Variants in GLUL observed in about 807,000 individuals in gnomAD.
GLUL encodes the protein glutamate-ammonia ligase, also known as glutamine synthetase.
A neutral mutation model predicts 36.9 loss-of-function variants in GLUL; 8 were observed. That is an observed-to-expected ratio of 0.22 (90% CI 0.13 to 0.39). The LOEUF is 0.39. Among genes scored for constraint, GLUL ranks in the 10% least tolerant of loss-of-function variants. GLUL has a pLI of 1.00. For synonymous variants in GLUL, 182 were observed against 172.8 expected, an observed-to-expected ratio of 1.05 and a Z score of -0.42; for missense variants, 315 against 501.8, an observed-to-expected ratio of 0.63 and a Z score of 3.56.
intron 1 of GLUL, chr1:182,389,910 G>C (rs1650337046): frequency 1.3e-5 from 2 of 152,330 alleles, no homozygotes; most frequent in African/African-American, 2.4e-5. Context: ...ATTGCCTCTA[G>C]AAGACTCAGC....
intron 4 of GLUL, 149 bp downstream of exon 4, chr1:182,386,106 AT>A: frequency 1.1e-6 from 1 of 915,282 alleles, no homozygotes; most frequent in Non-Finnish European, 1.8e-6. Flanking sequence ...ATTCATATCC[AT>A]TTTTGGACTT....
rs1649820864 is a variant in GLUL at position 182,378,754 on chromosome 1, A to G, written c.*5651T>C. Among the ~76,000 whole-genome samples the G allele has an allele frequency of 1.3e-5, 2 of 152,202 alleles. No individual in the cohort carries two copies. The highest frequency in any genetic ancestry group is 2.9e-5 in the Non-Finnish European group (2 of 68,044). ...TTATATTATGCATGTGTATGGACAT[A>G]TATCTGCATATTGTAAAATGAAATA... On this transcript the variant is annotated 3_prime_UTR_variant, in exon 7 of 7. Coordinates refer to ENST00000331872, the MANE Select transcript of GLUL (RefSeq NM_001033044.4).
At chr1:182,391,544 G>C (rs1223738821) in intron 1 of GLUL, 135 bp downstream of exon 1, 1 of 263,728 alleles carries the variant, frequency 3.8e-6, no homozygotes, top group Non-Finnish European at 7.1e-6. Context: ...TCTCAGGCAT[G>C]GGCCGGAGAG....
chr1:182,387,828 C>A (rs974334772), intron 2 of GLUL, among the ~76,000 whole-genome samples: 4 of 152,208 alleles, frequency 2.6e-5, no homozygotes, highest in African/African-American at 9.6e-5. Flanking sequence ...TCTCTGAAGG[C>A]AGAGACGAGA....
chr1:182,387,062 T>C (rs1650213348), intron 3 of GLUL, 69 bp downstream of exon 3: 12 of 1,207,028 alleles, frequency 9.9e-6, no homozygotes, highest in Admixed American at 6.7e-5. Flanking sequence ...GATTTCAGAA[T>C]GTCTTCTCCC....
At chr1:182,389,155 G>A (rs1435445270) in intron 1 of GLUL, 3 of 267,682 alleles carry the variant, frequency 1.1e-5, no homozygotes, top group Non-Finnish European at 2.2e-5. Context: ...TGTAGCTGAG[G>A]TTAACACTAA....
intron 1 of GLUL, 59 bp downstream of exon 1, chr1:182,391,619 CG>C (rs1650422798): frequency 5.9e-6 from 1 of 168,274 alleles, no homozygotes; most frequent in African/African-American, 2.4e-5. Context: ...CGGCGCGCCT[CG>C]CGGGGTAGCA....
intron 1 of GLUL, chr1:182,390,229 CAAAA>C (rs201924233): frequency 5.2e-5 from 14 of 266,814 alleles, no homozygotes; most frequent in East Asian, 6.4e-5. Context: ...TGTCGGAAAA[CAAAA>C]AAAAAAAACC....
rs1650138358 is a variant in GLUL, at chr1:182,385,534, C to T, written c.626G>A (p.Cys209Tyr). ...ATGATCTCCCATGCTGATTCCTTCA[C>T]AAGGTCCAATCTGAAATTCCCACTA... ...PAQWEFQIGPCEGISMGDHLW... is the reference protein window; with the variant it reads ...PAQWEFQIGPYEGISMGDHLW... Residue 209 changes from cysteine to tyrosine, a missense_variant, in exon 6 of 7, where the codon TGT becomes TAT. Physicochemically the swap from Cys to Tyr is radical, Grantham distance 194. Transcript: ENST00000331872. 6.2e-7 allele frequency: 1 copy of T among 1,614,012 alleles called. No homozygotes were observed.
rs933592134 is a variant in GLUL at position 182,378,312 on chromosome 1, G to A, written c.*6093C>T. ...TGCTCAGGTACAAGGCCCCTGAAAA[G>A]TAACTCATCAAATGACAATAGGAAC... On this transcript the variant is annotated 3_prime_UTR_variant, in exon 7 of 7. Coordinates refer to ENST00000331872, the MANE Select transcript of GLUL (RefSeq NM_001033044.4). 1.3e-5 allele frequency among the ~76,000 whole-genome samples: 2 copies of A among 152,166 alleles called. No homozygotes were observed. Among genetic ancestry groups the A allele is most frequent in the Non-Finnish European group, 2.9e-5 (2 of 68,024 alleles).
chr1:182,390,471 GT>G (rs989586126), intron 1 of GLUL: 46 of 399,126 alleles, frequency 1.2e-4, no homozygotes, highest in African/African-American at 9.2e-4. Flanking sequence ...CAACTCCGGG[GT>G]CGTCCTCCCT....
At chr1:182,391,139 C>A (rs1558167495) in intron 1 of GLUL, 2 of 398,578 alleles carry the variant, frequency 5.0e-6, no homozygotes, top group East Asian at 7.1e-5. Flanking sequence ...CCCCCGGGAC[C>A]CCGAGGCGGG....
In GLUL at chr1:182,383,289, T is replaced by C. The variant is rs899911178; in HGVS notation, c.*1116A>G. On this transcript the variant is annotated 3_prime_UTR_variant, in exon 7 of 7. Transcript: ENST00000331872. ...AATTTGATTAAAATCTAAACTTCTA[T>C]AATTTTGCTTTTTAAAAAATTTAAT... 2 of 152,214 alleles carry C rather than the reference T, an allele frequency of 1.3e-5. No homozygotes were observed. Among genetic ancestry groups the C allele is most frequent in the African/African-American group, 2.4e-5 (1 of 41,454 alleles). 9.4% of individuals were successfully genotyped at this position (152,214 alleles called of 1,614,324 possible). A position where few individuals can be genotyped will look rare whatever the true frequency, so the allele number is the denominator to read the frequency against.
intron 4 of GLUL, 109 bp downstream of exon 4, chr1:182,386,147 T>C: frequency 8.9e-7 from 1 of 1,120,788 alleles, no homozygotes; most frequent in South Asian, 1.2e-5. Context: ...TCGCCTTTAC[T>C]GTATTATTTT....
Position 182,382,882 on chromosome 1 carries a change from A to G in GLUL, c.*1523T>C, listed in dbSNP as rs925659581. On this transcript the variant is annotated 3_prime_UTR_variant, in exon 7 of 7. Coordinates refer to ENST00000331872, the MANE Select transcript of GLUL (RefSeq NM_001033044.4). ...ATAGGGATTTGAAAGAATCACAAAC[A>G]CATCAGAGAGATCTTATGTTAGGCT... 6.6e-6 allele frequency: 1 copy of G among 152,198 alleles called. No homozygotes were observed. Among genetic ancestry groups the G allele is most frequent in the Admixed American group, 6.5e-5 (1 of 15,286 alleles). The allele number at this position is 152,198 out of a possible 1,614,324, so 9.4% of individuals were successfully genotyped here.
At chr1:182,390,726 A>C in intron 1 of GLUL, 1 of 399,032 alleles carries the variant, frequency 2.5e-6, no homozygotes, top group Non-Finnish European at 4.4e-6. Context: ...CTCTCCCCGG[A>C]GTTCACAGAG....
chr1:182,384,180 G>T lies in GLUL; in HGVS notation c.*225C>A. The T allele has an allele frequency of 1.9e-6, 1 of 538,114 alleles. No individual in the cohort carries two copies. Among genetic ancestry groups the T allele is most frequent in the African/African-American group, 1.9e-5 (1 of 52,570 alleles). 33.3% of individuals were successfully genotyped at this position (538,114 alleles called of 1,614,324 possible). A position where few individuals can be genotyped will look rare whatever the true frequency, so the allele number is the denominator to read the frequency against. ...CTCCTCCCCACTAATGCACTAAAAA[G>T]CTTCAGTGATAGGGAAAAAAAGGAG... On this transcript the variant is annotated 3_prime_UTR_variant, in exon 7 of 7. Transcript: ENST00000331872.
At position 182,384,392 on chromosome 1, in the gene GLUL, A is replaced by AG. The variant is rs776706521; in HGVS notation, c.*12dup. On this transcript the variant is annotated 3_prime_UTR_variant, in exon 7 of 7. Transcript: ENST00000331872. ...GAACTAGGAGGGGCTCAACAGCTGG[A>AG]GGTCTAGTCCACTTAATTTTTGTAC... 3.8e-6 allele frequency: 6 copies of AG among 1,574,898 alleles called. No individual in the cohort carries two copies. The African/African-American group carries it at 8.1e-5, about 21-fold the overall frequency.
rs1424302441 is a variant in GLUL, at chr1:182,378,321, C to CA, written c.*6083dup. ...ACAAGGCCCCTGAAAAGTAACTCAT[C>CA]AAATGACAATAGGAACTGTGTGGAC... is the stretch of plus-strand genomic sequence containing the variant. On this transcript the variant is annotated 3_prime_UTR_variant, in exon 7 of 7. Transcript: ENST00000331872. Among the ~76,000 whole-genome samples, 8 of 152,304 alleles carry CA rather than the reference C, an allele frequency of 5.3e-5. No homozygotes were observed. In the East Asian group the frequency reaches 1.5e-3, roughly 29 times the overall value.
Sources: allele counts gnomAD v4.1 joint callset (sites outside exome capture counted in the v4.1 genomes callset), GRCh38; gene constraint gnomAD v4.1.1; transcripts MANE v1.5; gene names NCBI Gene and HGNC (gene_info 2026-07-23, HGNC 2026-07-21).